Variants in SLC35F1 observed in about 807,000 individuals in gnomAD.
The protein encoded by SLC35F1 is chromosome 6 open reading frame 169.
SLC35F1 carries 14 observed loss-of-function variants against 48.7 expected under a neutral mutation model. The observed-to-expected ratio is 0.29, with a 90% CI of 0.19 to 0.45. The LOEUF is 0.45. Among genes scored for constraint, SLC35F1 ranks in the 20% least tolerant of loss-of-function variants. The pLI is 1.00. For synonymous variants in SLC35F1, 190 were observed against 202.2 expected (o/e 0.94, Z 0.51); for missense variants, 404 against 500.0 (o/e 0.81, Z 1.83).
At chr6:117,956,796 A>G (rs1316955618) in intron 1 of SLC35F1, among the ~76,000 whole-genome samples, 2 of 152,206 alleles carry the variant, frequency 1.3e-5, no homozygotes, top group Admixed American at 6.5e-5. Flanking sequence ...GACAGTTAAT[A>G]TTTAGGCAAA....
chr6:118,132,564 A>G (rs1182633385), intron 1 of SLC35F1, among the ~76,000 whole-genome samples: 2 of 152,234 alleles, frequency 1.3e-5, no homozygotes, highest in Non-Finnish European at 1.5e-5. Context: ...GAAAGCCTTT[A>G]GAGTGCATGG....
chr6:118,131,153 G>C (rs1281199245), intron 1 of SLC35F1, among the ~76,000 whole-genome samples: 2 of 152,050 alleles, frequency 1.3e-5, no homozygotes, highest in Non-Finnish European at 2.9e-5. Context: ...GCAATTTCAA[G>C]TCACTCCATG....
intron 7 of SLC35F1, among the ~76,000 whole-genome samples, chr6:118,287,153 C>T (rs1474224942): frequency 1.3e-5 from 2 of 152,184 alleles, no homozygotes; most frequent in East Asian, 3.9e-4. Context: ...ATATATTCCT[C>T]TCGTGCTGCT....
At chr6:117,947,110 G>T (rs970549685) in intron 1 of SLC35F1, among the ~76,000 whole-genome samples, 1 of 152,180 alleles carries the variant, frequency 6.6e-6, no homozygotes. Flanking sequence ...TATGGAAAGG[G>T]TAATGAAATT....
intron 3 of SLC35F1, among the ~76,000 whole-genome samples, chr6:118,262,895 T>C (rs1162713852): frequency 6.6e-6 from 1 of 152,074 alleles, no homozygotes; most frequent in African/African-American, 2.4e-5. Context: ...GAGGCGAGCC[T>C]GGGCAATATA....
At chr6:118,220,680 C>T (rs1312220051) in intron 2 of SLC35F1, among the ~76,000 whole-genome samples, 4 of 152,174 alleles carry the variant, frequency 2.6e-5, no homozygotes, top group Non-Finnish European at 5.9e-5. Context: ...TTTCAAAGCT[C>T]CCAGAGTGGT....
At chr6:118,220,038 G>C (rs1405731416) in intron 2 of SLC35F1, among the ~76,000 whole-genome samples, 2 of 152,076 alleles carry the variant, frequency 1.3e-5, no homozygotes. Flanking sequence ...GGAGTGGGGA[G>C]GGATAGCAAT....
intron 1 of SLC35F1, among the ~76,000 whole-genome samples, chr6:117,957,565 A>G (rs1776442778): frequency 6.6e-6 from 1 of 152,194 alleles, no homozygotes; most frequent in Non-Finnish European, 1.5e-5. Flanking sequence ...ATAGGGTTAT[A>G]TAAAGTTGTG....
chr6:118,151,180 GCTT>G (rs1388806479), intron 1 of SLC35F1, among the ~76,000 whole-genome samples: 4 of 152,224 alleles, frequency 2.6e-5, no homozygotes, highest in African/African-American at 7.2e-5. Flanking sequence ...CCAGTGATGT[GCTT>G]CTTCTCCCTC....
At chr6:118,067,918 A>G (rs1354738775) in intron 1 of SLC35F1, among the ~76,000 whole-genome samples, 1 of 152,152 alleles carries the variant, frequency 6.6e-6, no homozygotes, top group Non-Finnish European at 1.5e-5. Flanking sequence ...AGCTTTCTAT[A>G]GCTGCTGTAA....
intron 2 of SLC35F1, among the ~76,000 whole-genome samples, chr6:118,158,197 T>A (rs1372525194): frequency 6.6e-6 from 1 of 152,232 alleles, no homozygotes; most frequent in Non-Finnish European, 1.5e-5. Flanking sequence ...CTCAGAATGA[T>A]TATTTGTTTT....
chr6:118,179,441 T>C (rs950415709), intron 2 of SLC35F1, among the ~76,000 whole-genome samples: 24 of 152,176 alleles, frequency 1.6e-4, no homozygotes, highest in African/African-American at 5.8e-4. Flanking sequence ...TTTGCCTTTC[T>C]TCTGCCTTTT....
chr6:118,285,575 G>A (rs774580902), intron 7 of SLC35F1, among the ~76,000 whole-genome samples: 2 of 152,324 alleles, frequency 1.3e-5, no homozygotes, highest in Admixed American at 6.5e-5. Flanking sequence ...AGCCATAAAG[G>A]AAAGAGCTTT....
At chr6:117,964,905 G>A (rs149250434) in intron 1 of SLC35F1, among the ~76,000 whole-genome samples, 1 of 152,306 alleles carries the variant, frequency 6.6e-6, no homozygotes, top group African/African-American at 2.4e-5. Flanking sequence ...TAAAGTTAGG[G>A]GTTCATATAG....
intron 1 of SLC35F1, among the ~76,000 whole-genome samples, chr6:117,951,224 G>A (rs66500761): frequency 0.15 from 23,412 of 152,080 alleles, 2,869 homozygotes; most frequent in African/African-American, 0.34. Flanking sequence ...AAAGATTTGT[G>A]GATGAAATTC....
intron 1 of SLC35F1, among the ~76,000 whole-genome samples, chr6:118,009,669 C>T (rs1417883918): frequency 6.6e-6 from 1 of 152,166 alleles, no homozygotes. Context: ...AGTACATTAA[C>T]ACCCTCTATT....
At chr6:118,305,284 T>C (rs1562357085) in intron 7 of SLC35F1, among the ~76,000 whole-genome samples, 1 of 151,726 alleles carries the variant, frequency 6.6e-6, no homozygotes, top group Non-Finnish European at 1.5e-5. Flanking sequence ...CTTCAACTGA[T>C]TGGGTGAGGC....
At chr6:118,166,100 C>G (rs965380010) in intron 2 of SLC35F1, among the ~76,000 whole-genome samples, 11 of 151,602 alleles carry the variant, frequency 7.3e-5, no homozygotes, top group Non-Finnish European at 5.9e-5. Flanking sequence ...TAAGAATGTT[C>G]TATTTCAGAG....
chr6:118,268,600 ATTTTTTT>A lies in SLC35F1; in HGVS notation c.637+1467_637+1473del, dbSNP rs139088554. Among the ~76,000 whole-genome samples the A allele has an allele frequency of 1.4e-3, 123 of 87,856 alleles. 2 individuals are homozygous for A. The highest frequency in any genetic ancestry group is 5.1e-3 in the African/African-American group (107 of 21,132). The allele number at this position is 87,856 out of a possible 152,430, so 57.6% of individuals were successfully genotyped here. On this transcript the variant is annotated intron_variant, in intron 4 of 7. Coordinates refer to ENST00000360388, the MANE Select transcript of SLC35F1 (RefSeq NM_001029858.4). ...CATATATATGTATATATATATATAT[ATTTTTTT>A]TTTTTTTTTTTTTTTTTTTTGAGAC...
Sources: gnomAD v4.1 joint callset for allele counts (sites outside exome capture counted in the v4.1 genomes callset) on GRCh38, gnomAD v4.1.1 for gene constraint, MANE v1.5 for transcripts, NCBI Gene and HGNC (gene_info 2026-07-23, HGNC 2026-07-21) for gene names.